The following PLA1A variants were observed in gnomAD, a reference collection of about 807,000 sequenced individuals.
The protein encoded by PLA1A is phosphatidylserine-specific phospholipase A1alpha.
PLA1A carries 47 observed loss-of-function variants against 49.4 expected under a neutral mutation model. That is an observed-to-expected ratio of 0.95 (90% CI 0.75 to 1.21). The LOEUF is 1.21. PLA1A is among the 50% of genes most tolerant of loss of function. The pLI is 0.00. For synonymous variants in PLA1A, 224 were observed against 207.9 expected (o/e 1.08, Z -0.67); for missense variants, 561 against 563.9 (o/e 0.99, Z 0.05).
chr3:119,598,304 C>T (rs1458462402), intron 1 of PLA1A, among the ~76,000 whole-genome samples: 3 of 152,144 alleles, frequency 2.0e-5, no homozygotes, highest in East Asian at 3.8e-4. Context: ...ATTCATTTTT[C>T]ACCCCATAAA....
At chr3:119,617,963 GC>G (rs2082873345) in intron 6 of PLA1A, 55 bp from the exon 7 acceptor site, 1 of 1,369,198 alleles carries the variant, frequency 7.3e-7, no homozygotes, top group African/African-American at 1.4e-5. Flanking sequence ...TCACTAAACA[GC>G]ATAGATTTCC....
chr3:119,622,990 C>T (rs908613220), intron 8 of PLA1A, among the ~76,000 whole-genome samples: 2 of 151,942 alleles, frequency 1.3e-5, no homozygotes, highest in African/African-American at 2.4e-5. Context: ...CCACACCCTG[C>T]TAATTTTTTT....
At chr3:119,606,360 A>C (rs898368026) in intron 1 of PLA1A, among the ~76,000 whole-genome samples, 2 of 152,138 alleles carry the variant, frequency 1.3e-5, no homozygotes, top group African/African-American at 2.4e-5. Context: ...GATAATAGTC[A>C]TATTGATTTA....
At chr3:119,615,551 A>G (rs2082833996) in intron 5 of PLA1A, among the ~76,000 whole-genome samples, 1 of 152,142 alleles carries the variant, frequency 6.6e-6, no homozygotes, top group Non-Finnish European at 1.5e-5. Flanking sequence ...TTTAGCATGA[A>G]AAATCCCTTT....
At chr3:119,623,080 T>C (rs1287984101) in intron 8 of PLA1A, among the ~76,000 whole-genome samples, 13 of 152,164 alleles carry the variant, frequency 8.5e-5, no homozygotes, top group Non-Finnish European at 1.9e-4. Context: ...CTGCCTGCCT[T>C]AGCCTCCCAA....
intron 3 of PLA1A, 67 bp downstream of exon 3, chr3:119,609,014 G>A (rs1038275236): frequency 1.7e-5 from 23 of 1,351,792 alleles, no homozygotes; most frequent in Non-Finnish European, 2.4e-5. Flanking sequence ...AAAGACAAAA[G>A]CACTGCCTGA....
intron 8 of PLA1A, among the ~76,000 whole-genome samples, chr3:119,624,470 T>C (rs964226062): frequency 2.0e-5 from 3 of 152,172 alleles, no homozygotes; most frequent in Non-Finnish European, 4.4e-5. Flanking sequence ...GCATTTTGGC[T>C]CATTCAAGAT....
At chr3:119,600,511 T>A (rs2082604325) in intron 1 of PLA1A, 2 of 668,228 alleles carry the variant, frequency 3.0e-6, no homozygotes, top group Non-Finnish European at 5.4e-6. Flanking sequence ...TCCGCTAGAC[T>A]TTGAGCTCCC....
At chr3:119,619,749 C>A in intron 8 of PLA1A, 97 bp downstream of exon 8, 1 of 847,844 alleles carries the variant, frequency 1.2e-6, no homozygotes, top group South Asian at 1.4e-5. Flanking sequence ...ATGATAAGAG[C>A]AAAGGCATCA....
At chr3:119,612,510 A>T (rs1386911065) in intron 4 of PLA1A, among the ~76,000 whole-genome samples, 2 of 150,212 alleles carry the variant, frequency 1.3e-5, no homozygotes, top group African/African-American at 4.9e-5. Flanking sequence ...TTTTTTTGAG[A>T]TGGAGTTTCG....
In PLA1A at chr3:119,615,912, C is replaced by T. The variant is rs1049523775; in HGVS notation, c.665-100C>T. 9 of 715,288 alleles carry T rather than the reference C, an allele frequency of 1.3e-5. 1 individual carries two copies. Among genetic ancestry groups the T allele is most frequent in the Middle Eastern group, 3.3e-4 (1 of 3,054 alleles). The allele number at this position is 715,288 out of a possible 1,614,324, so 44.3% of individuals were successfully genotyped here. A position where few individuals can be genotyped will look rare whatever the true frequency, so the allele number is the denominator to read the frequency against. On this transcript the variant is annotated intron_variant, in intron 5 of 10. Coordinates refer to ENST00000273371, the MANE Select transcript of PLA1A (RefSeq NM_015900.4). ...GAAGTCTCACAGCACTTAGAAGTGA[C>T]GTGGCAGAGAGTGGGTGGGCTCCCA... is the stretch of plus-strand genomic sequence containing the variant.
intron 7 of PLA1A, among the ~76,000 whole-genome samples, chr3:119,618,580 A>T (rs1389489744): frequency 6.6e-6 from 1 of 152,220 alleles, no homozygotes; most frequent in South Asian, 2.1e-4. Flanking sequence ...CACAAGACCT[A>T]CATTACAGGT....
At chr3:119,627,007 T>C (rs1013254377) in intron 9 of PLA1A, among the ~76,000 whole-genome samples, 45 of 152,316 alleles carry the variant, frequency 3.0e-4, no homozygotes, top group East Asian at 3.9e-4. Flanking sequence ...GACTGCACGT[T>C]AGAATCACCT....
rs558711265 is a variant in PLA1A, at chr3:119,617,826, C to G, written c.755-193C>G. On this transcript the variant is annotated intron_variant, in intron 6 of 10. Transcript: ENST00000273371. ...TTCTTGATGGATTATGCTTATGTATCTCAGGAAAAGTAAAATGAAAAAAGT... is the reference window on the plus strand; with the variant it reads ...TTCTTGATGGATTATGCTTATGTATGTCAGGAAAAGTAAAATGAAAAAAGT... Among the ~76,000 whole-genome samples, 3 of 152,162 alleles carry G rather than the reference C, an allele frequency of 2.0e-5. No individual in the cohort carries two copies. The East Asian group carries it at 5.8e-4, about 29-fold the overall frequency.
At chr3:119,599,990 G>C (rs1270560651) in intron 1 of PLA1A, among the ~76,000 whole-genome samples, 2 of 151,940 alleles carry the variant, frequency 1.3e-5, no homozygotes, top group Non-Finnish European at 2.9e-5. Flanking sequence ...GTGTGTGTGT[G>C]GCTGGGAGGG....
chr3:119,607,399 C>T (rs2082703991), intron 2 of PLA1A, among the ~76,000 whole-genome samples: 1 of 152,326 alleles, frequency 6.6e-6, no homozygotes. Context: ...TTCTCTGATA[C>T]TCTCCAGTCC....
Position 119,616,087 on chromosome 3 carries a change from C to A in PLA1A, c.740C>A (p.Thr247Asn). The change falls in exon 6 of 11, where the codon ACC (threonine) becomes AAC (asparagine). Residue 247 changes from threonine to asparagine, a missense_variant. Transcript: ENST00000273371. ...GGCCAAGACCAACCTGGCTGCCCCA[C>A]CTTCTTTTACGCAGGTCAGAAAGCC... Reference protein sequence around the residue: ...NGGQDQPGCPTFFYAGYSYLI... With the variant: ...NGGQDQPGCPNFFYAGYSYLI... 1 of 1,610,256 alleles carries A rather than the reference C, an allele frequency of 6.2e-7. No individual in the cohort carries two copies. Among genetic ancestry groups the A allele is most frequent in the South Asian group, 1.1e-5 (1 of 90,980 alleles).
intron 9 of PLA1A, among the ~76,000 whole-genome samples, chr3:119,627,651 C>T (rs893470586): frequency 1.3e-5 from 2 of 152,098 alleles, no homozygotes; most frequent in Non-Finnish European, 2.9e-5. Flanking sequence ...CCGAGAGGAA[C>T]GCAGCGCCCT....
chr3:119,620,318 GCCGGCT>G (rs1311692239), intron 8 of PLA1A: 1 of 336,674 alleles, frequency 3.0e-6, no homozygotes, highest in Non-Finnish European at 5.9e-6. Flanking sequence ...GATAAAGTAT[GCCGGCT>G]TGGATGATAA....
Sources: allele counts gnomAD v4.1 joint callset (sites outside exome capture counted in the v4.1 genomes callset), GRCh38; gene constraint gnomAD v4.1.1; transcripts MANE v1.5; gene names NCBI Gene and HGNC (gene_info 2026-07-23, HGNC 2026-07-21).